Variants in NINL observed in about 807,000 individuals in gnomAD.
NINL encodes ninein-like protein.
A neutral mutation model predicts 160.3 loss-of-function variants in NINL; 153 were observed. That is an observed-to-expected ratio of 0.95 (90% CI 0.84 to 1.09). The LOEUF is 1.09. Ranked by LOEUF, NINL falls within the 50% of genes least tolerant of loss-of-function variation. The probability of loss-of-function intolerance (pLI) is 0.00; values close to 1 mark genes in which losing one functional copy is unlikely to be tolerated. For missense variants in NINL, 1,829 were observed against 1,764.0 expected, an observed-to-expected ratio of 1.04 and a Z score of -0.66; for synonymous variants, 800 against 734.8, an observed-to-expected ratio of 1.09 and a Z score of -1.43.
chr20:25,493,124 A>G (rs1448688253), intron 10 of NINL, among the ~76,000 whole-genome samples: 1 of 152,172 alleles, frequency 6.6e-6, no homozygotes, highest in African/African-American at 2.4e-5. Flanking sequence ...GTCTTTCCAA[A>G]TGGCTGGGAG....
chr20:25,508,720 C>T (rs2064009647), intron 5 of NINL, among the ~76,000 whole-genome samples: 1 of 152,246 alleles, frequency 6.6e-6, no homozygotes, highest in African/African-American at 2.4e-5. Context: ...CGGGCTCCAG[C>T]CTCTCCTCCC....
At chr20:25,583,376 CTCA>C (rs1342478506) in intron 1 of NINL, among the ~76,000 whole-genome samples, 1 of 152,108 alleles carries the variant, frequency 6.6e-6, no homozygotes, top group Admixed American at 6.5e-5. Flanking sequence ...AAAAAAAAAG[CTCA>C]TCATCACTGG....
In NINL at chr20:25,479,196, T is replaced by C. The variant is rs2063334548; in HGVS notation, c.1928A>G (p.Tyr643Cys). 10 of 1,605,958 alleles carry C rather than the reference T, an allele frequency of 6.2e-6. No homozygotes were observed. Among genetic ancestry groups the C allele is most frequent in the Non-Finnish European group, 7.7e-6 (9 of 1,174,734 alleles). The change falls in exon 16 of 24, where the codon TAC becomes TGC. Residue 643 changes from tyrosine (Y) to cysteine (C), a missense_variant. Transcript: ENST00000278886. ...TTTCAGTGCCGCAATTTCCCTTTCG[T>C]AGTAATTTACCTAAAACGAGAAACA... is the stretch of plus-strand genomic sequence containing the variant. Reference protein sequence around the residue: ...RTQLETKVNYYEREIAALKRN... With the variant: ...RTQLETKVNYCEREIAALKRN...
At chr20:25,458,806 C>T (rs2090761642) in intron 21 of NINL, 2 of 452,774 alleles carry the variant, frequency 4.4e-6, no homozygotes, top group Non-Finnish European at 7.8e-6. Flanking sequence ...CCAGACTCTG[C>T]TGCGTCCAGT....
At chr20:25,494,414 G>A (rs542562180) in intron 10 of NINL, among the ~76,000 whole-genome samples, 4 of 150,918 alleles carry the variant, frequency 2.7e-5, no homozygotes, top group Non-Finnish European at 4.4e-5. Flanking sequence ...CTGCACCACC[G>A]CTGTACCCCA....
intron 15 of NINL, among the ~76,000 whole-genome samples, chr20:25,479,559 A>G (rs2063342886): frequency 6.6e-6 from 1 of 152,180 alleles, no homozygotes; most frequent in Non-Finnish European, 1.5e-5. Context: ...CAGTGGAAGG[A>G]ATACCATTCA....
chr20:25,479,922 A>AGAGTATCACACCATTCCCTCCC (rs1249276918), intron 15 of NINL, among the ~76,000 whole-genome samples: 2 of 152,220 alleles, frequency 1.3e-5, no homozygotes, highest in African/African-American at 4.8e-5. Flanking sequence ...GTGACACTCC[A>AGAGTATCACACCATTCCCTCCC]GAGTATCACA....
chr20:25,531,968 G>C (rs422148), intron 1 of NINL, among the ~76,000 whole-genome samples: 82,416 of 152,028 alleles, frequency 0.54, 23,348 homozygotes, highest in East Asian at 0.98. Context: ...TTCTTTCTCA[G>C]GGGCATCTTT....
intron 1 of NINL, among the ~76,000 whole-genome samples, chr20:25,538,824 T>G (rs1001508936): frequency 4.6e-5 from 7 of 151,240 alleles, no homozygotes; most frequent in Non-Finnish European, 1.0e-4. Flanking sequence ...AGCACAGAAC[T>G]GGGGAGCACA....
At chr20:25,584,916 C>T (rs6050691) in intron 1 of NINL, among the ~76,000 whole-genome samples, 11,882 of 152,322 alleles carry the variant, frequency 0.078, 494 homozygotes, top group Non-Finnish European at 0.1. Context: ...AGATAAAATT[C>T]GCAACAGACT....
intron 3 of NINL, among the ~76,000 whole-genome samples, chr20:25,514,366 C>A (rs1360380568): frequency 2.0e-5 from 3 of 152,194 alleles, no homozygotes; most frequent in Non-Finnish European, 4.4e-5. Flanking sequence ...GCAAGGCATT[C>A]AAGATGTGCC....
At chr20:25,579,507 T>C (rs1173814223) in intron 1 of NINL, among the ~76,000 whole-genome samples, 5 of 152,170 alleles carry the variant, frequency 3.3e-5, no homozygotes, top group African/African-American at 1.2e-4. Context: ...TACCTTATGG[T>C]GAGGCTCACA....
chr20:25,545,988 A>AC (rs1555876031), intron 1 of NINL, among the ~76,000 whole-genome samples: 1 of 147,388 alleles, frequency 6.8e-6, no homozygotes, highest in Non-Finnish European at 1.5e-5. Context: ...TTTTGTTTTT[A>AC]TTTTTTTTTT....
At chr20:25,481,821 C>G (rs1292092938) in intron 14 of NINL, 147 bp downstream of exon 14, 2 of 1,212,742 alleles carry the variant, frequency 1.6e-6, no homozygotes, top group Non-Finnish European at 2.3e-6. Context: ...CTGGATCCTC[C>G]TTGGAAAGTC....
chr20:25,504,035 G>C lies in NINL; in HGVS notation c.778C>G (p.Leu260Val). 1 of 1,612,180 alleles carries C rather than the reference G, an allele frequency of 6.2e-7. No homozygotes were observed. Among genetic ancestry groups the C allele is most frequent in the East Asian group, 2.2e-5 (1 of 44,812 alleles). ...DGKVSLEEFQ[L>V]GLFSHEPALL... ...GCGGGCTCATGACTGAAGAGGCCAAGCTGGAATTCCTCAAGACTCACTTTG... is the reference window on the plus strand; with the variant it reads ...GCGGGCTCATGACTGAAGAGGCCAACCTGGAATTCCTCAAGACTCACTTTG... The change falls in exon 7 of 24, where the codon CTT (leucine) becomes GTT (valine). Residue 260 changes from leucine (L) to valine (V), a missense_variant. Coordinates refer to ENST00000278886, the MANE Select transcript of NINL (RefSeq NM_025176.6).
intron 1 of NINL, among the ~76,000 whole-genome samples, chr20:25,540,796 G>A (rs79061368): frequency 0.015 from 2,259 of 152,230 alleles, 49 homozygotes; most frequent in African/African-American, 0.052. Context: ...TTCACACTCC[G>A]GCAGTTCTGA....
chr20:25,498,699 T>C (rs1161320308), intron 8 of NINL, among the ~76,000 whole-genome samples: 1 of 152,222 alleles, frequency 6.6e-6, no homozygotes, highest in African/African-American at 2.4e-5. Context: ...CTTTTCCCTC[T>C]GAAATAATCT....
intron 7 of NINL, among the ~76,000 whole-genome samples, chr20:25,503,711 A>AGT (rs1194455303): frequency 2.0e-5 from 3 of 152,180 alleles, no homozygotes; most frequent in Non-Finnish European, 2.9e-5. Flanking sequence ...TGAGGCTTGG[A>AGT]GAAGGTAACT....
rs553369425 is a variant in NINL at position 25,568,184 on chromosome 20, G to A, written c.-12+17271C>T. The stretch of plus-strand genomic sequence containing the variant: ...TTGATAAACCTCTAGCAAAACTAAC[G>A]AAGGGAAAAAAAGAGAAAGAATTTA... On this transcript the variant is annotated intron_variant, in intron 1 of 23. Coordinates refer to ENST00000278886, the MANE Select transcript of NINL (RefSeq NM_025176.6). 1.0e-4 allele frequency among the ~76,000 whole-genome samples: 15 copies of A among 148,748 alleles called. 1 individual carries two copies. In the South Asian group the frequency reaches 2.8e-3, roughly 27 times the overall value.
Sources: allele counts gnomAD v4.1 joint callset (sites outside exome capture counted in the v4.1 genomes callset), GRCh38; gene constraint gnomAD v4.1.1; transcripts MANE v1.5; gene names NCBI Gene and HGNC (gene_info 2026-07-23, HGNC 2026-07-21).